The following COMMD10 variants were observed in gnomAD, a reference collection of about 807,000 sequenced individuals.
The protein encoded by COMMD10 is COMM domain containing 10.
COMMD10 carries 33 observed loss-of-function variants against 28.9 expected under a neutral mutation model. The ratio of observed to expected loss-of-function variants is 1.14; its 90% CI spans 0.87 to 1.53. The LOEUF is 1.53. COMMD10 is among the 40% of genes most tolerant of loss of function. The pLI, the probability that COMMD10 is intolerant of heterozygous loss-of-function variation, is 0.00. For synonymous variants in COMMD10, 110 were observed against 81.7 expected (o/e 1.35, Z -1.87); for missense variants, 310 against 233.4 (o/e 1.33, Z -2.14).
At chr5:116,254,694 T>C (rs530577239) in intron 5 of COMMD10, among the ~76,000 whole-genome samples, 1 of 151,990 alleles carries the variant, frequency 6.6e-6, no homozygotes, top group South Asian at 2.1e-4. Flanking sequence ...CTTTTACATT[T>C]GCTGAGGAGA....
chr5:116,187,112 CA>C (rs939419410), intron 5 of COMMD10, among the ~76,000 whole-genome samples: 10 of 151,978 alleles, frequency 6.6e-5, no homozygotes, highest in Non-Finnish European at 1.0e-4. Flanking sequence ...AAAATCAAAA[CA>C]AAAAACTTTA....
intron 5 of COMMD10, among the ~76,000 whole-genome samples, chr5:116,141,667 G>A (rs1752200220): frequency 6.6e-6 from 1 of 151,678 alleles, no homozygotes; most frequent in Admixed American, 6.6e-5. Context: ...TGCTCTCCTA[G>A]CAATGGTATA....
chr5:116,171,561 A>G (rs1753333770), intron 5 of COMMD10, among the ~76,000 whole-genome samples: 1 of 152,210 alleles, frequency 6.6e-6, no homozygotes, highest in Non-Finnish European at 1.5e-5. Context: ...TACAATAGCA[A>G]AGACTTGGAA....
At chr5:116,205,127 C>T (rs1362395607) in intron 5 of COMMD10, among the ~76,000 whole-genome samples, 1 of 152,068 alleles carries the variant, frequency 6.6e-6, no homozygotes, top group Non-Finnish European at 1.5e-5. Flanking sequence ...TGTCCAAATC[C>T]ACCTTAACTC....
At chr5:116,176,654 A>C (rs1046389083) in intron 5 of COMMD10, among the ~76,000 whole-genome samples, 1 of 151,980 alleles carries the variant, frequency 6.6e-6, no homozygotes, top group Non-Finnish European at 1.5e-5. Context: ...GGGTCCTATA[A>C]GGTTGTACTC....
rs72804871 is a variant in COMMD10, at chr5:116,184,766, G to A, written c.510+50588G>A. 2.7e-3 allele frequency among the ~76,000 whole-genome samples: 408 copies of A among 152,118 alleles called. 4 individuals carry two copies. The highest frequency in any genetic ancestry group is 7.3e-3 in the African/African-American group (305 of 41,532). ...TTTTTAATGGTATGTATGAGAAAAC[G>A]TTTTATGGGCTTTTAGCCAGAAGAT... On this transcript the variant is annotated intron_variant, in intron 5 of 6. Transcript: ENST00000274458.
At chr5:116,100,000 T>G (rs953909459) in intron 4 of COMMD10, among the ~76,000 whole-genome samples, 1 of 152,174 alleles carries the variant, frequency 6.6e-6, no homozygotes, top group East Asian at 1.9e-4. Context: ...GTCTAAACAC[T>G]GAATTCATTT....
intron 4 of COMMD10, among the ~76,000 whole-genome samples, chr5:116,099,467 G>A (rs1561599419): frequency 6.6e-6 from 1 of 151,966 alleles, no homozygotes; most frequent in African/African-American, 2.4e-5. Context: ...ACCAGGAGTG[G>A]GATTGTTGGA....
chr5:116,260,731 T>C (rs945178480), intron 5 of COMMD10, among the ~76,000 whole-genome samples: 1 of 151,844 alleles, frequency 6.6e-6, no homozygotes, highest in African/African-American at 2.4e-5. Context: ...TTTTAATTAA[T>C]TACATTTTTG....
At chr5:116,215,619 G>A (rs1459474844) in intron 5 of COMMD10, among the ~76,000 whole-genome samples, 10 of 150,372 alleles carry the variant, frequency 6.7e-5, no homozygotes, top group South Asian at 2.1e-4. Flanking sequence ...CCCGGGAGGC[G>A]GAGGTTGCAG....
intron 5 of COMMD10, among the ~76,000 whole-genome samples, chr5:116,251,376 T>C (rs2112674051): frequency 6.7e-6 from 1 of 148,416 alleles, no homozygotes; most frequent in African/African-American, 2.5e-5. Context: ...TGTGCCATGC[T>C]GGTGTGCTGC....
chr5:116,230,065 T>A (rs1460344999), intron 5 of COMMD10, among the ~76,000 whole-genome samples: 2 of 151,980 alleles, frequency 1.3e-5, no homozygotes, highest in East Asian at 3.9e-4. Flanking sequence ...TTGCCTCATA[T>A]ATCATAAAGG....
intron 5 of COMMD10, among the ~76,000 whole-genome samples, chr5:116,265,971 A>G (rs1750574570): frequency 6.6e-6 from 1 of 151,798 alleles, no homozygotes; most frequent in Non-Finnish European, 1.5e-5. Context: ...GTAAGTCAGT[A>G]TGTGTTAGGT....
At chr5:116,255,343 G>C (rs965348884) in intron 5 of COMMD10, among the ~76,000 whole-genome samples, 2 of 151,596 alleles carry the variant, frequency 1.3e-5, no homozygotes, top group African/African-American at 2.4e-5. Context: ...CTGTCATTAT[G>C]ATGTTAGCTG....
chr5:116,105,007 G>A (rs1270744868), intron 4 of COMMD10, among the ~76,000 whole-genome samples: 1 of 152,208 alleles, frequency 6.6e-6, no homozygotes, highest in Non-Finnish European at 1.5e-5. Flanking sequence ...AATAGGAGTG[G>A]TGAGAGAGGG....
intron 5 of COMMD10, among the ~76,000 whole-genome samples, chr5:116,175,305 A>AACTT (rs1753468455): frequency 1.3e-5 from 2 of 152,160 alleles, no homozygotes; most frequent in Non-Finnish European, 1.5e-5. Flanking sequence ...GGTAGTTAGT[A>AACTT]ACTTACTATA....
intron 5 of COMMD10, among the ~76,000 whole-genome samples, chr5:116,168,249 C>T (rs981298516): frequency 6.6e-6 from 1 of 150,790 alleles, no homozygotes; most frequent in African/African-American, 2.4e-5. Context: ...AAGGGCATTA[C>T]ATAATGATAA....
chr5:116,168,354 A>G (rs1437000941), intron 5 of COMMD10, among the ~76,000 whole-genome samples: 2 of 152,168 alleles, frequency 1.3e-5, no homozygotes, highest in Non-Finnish European at 2.9e-5. Context: ...TTAGAGACCT[A>G]TGAAGAGACT....
At chr5:116,097,716 C>T (rs1254467274) in intron 4 of COMMD10, among the ~76,000 whole-genome samples, 1 of 152,122 alleles carries the variant, frequency 6.6e-6, no homozygotes, top group African/African-American at 2.4e-5. Flanking sequence ...GTGCTGGCAT[C>T]TGCTTGGCTT....
Sources: allele counts gnomAD v4.1 joint callset (sites outside exome capture counted in the v4.1 genomes callset), GRCh38; gene constraint gnomAD v4.1.1; transcripts MANE v1.5; gene names NCBI Gene and HGNC (gene_info 2026-07-23, HGNC 2026-07-21).